Variants in MLLT10 observed in about 807,000 individuals in gnomAD.
MLLT10 encodes the protein protein AF-10.
MLLT10 carries 30 observed loss-of-function variants against 129.1 expected under a neutral mutation model. The ratio of observed to expected loss-of-function variants is 0.23; its 90% CI spans 0.17 to 0.32. MLLT10 has a LOEUF of 0.32. MLLT10 is among the 10% of genes least tolerant of loss of function. MLLT10 has a pLI of 1.00. For synonymous variants in MLLT10, 490 were observed against 446.4 expected, an observed-to-expected ratio of 1.10 and a Z score of -1.23; for missense variants, 1,119 against 1,268.3, an observed-to-expected ratio of 0.88 and a Z score of 1.79.
chr10:21,577,726 C>T (rs2040937335), intron 3 of MLLT10, among the ~76,000 whole-genome samples: 1 of 152,018 alleles, frequency 6.6e-6, no homozygotes, highest in Non-Finnish European at 1.5e-5. Context: ...CCACATTAGC[C>T]TCCCAAAGTG....
chr10:21,726,606 C>A (rs1020245047), intron 15 of MLLT10, among the ~76,000 whole-genome samples: 4 of 148,284 alleles, frequency 2.7e-5, no homozygotes, highest in Non-Finnish European at 5.9e-5. Flanking sequence ...TATATAATTA[C>A]AAACTGTCAA....
chr10:21,569,281 A>G (rs1253709079), intron 3 of MLLT10, among the ~76,000 whole-genome samples: 1 of 151,746 alleles, frequency 6.6e-6, no homozygotes, highest in Non-Finnish European at 1.5e-5. Context: ...TTTGAACATG[A>G]TGTTGCTTTG....
At chr10:21,729,608 GACCTGAGTTGTAT>G (rs970702269) in intron 16 of MLLT10, among the ~76,000 whole-genome samples, 39 of 152,194 alleles carry the variant, frequency 2.6e-4, no homozygotes, top group African/African-American at 9.2e-4. Context: ...GTTGTTAGAA[GACCTGAGTTGTAT>G]AGCCCAGCTC....
At chr10:21,590,769 C>T (rs2042418807) in intron 4 of MLLT10, among the ~76,000 whole-genome samples, 1 of 152,048 alleles carries the variant, frequency 6.6e-6, no homozygotes, top group African/African-American at 2.4e-5. Flanking sequence ...TTTGACCAGT[C>T]CAAATAGAAT....
intron 9 of MLLT10, among the ~76,000 whole-genome samples, chr10:21,660,818 A>G (rs1456853033): frequency 6.7e-6 from 1 of 148,372 alleles, no homozygotes; most frequent in Non-Finnish European, 1.5e-5. Flanking sequence ...GGTTGCAGTG[A>G]GCCAAGATAG....
chr10:21,556,545 C>T (rs1158857134), intron 3 of MLLT10: 4 of 843,328 alleles, frequency 4.7e-6, no homozygotes, highest in East Asian at 5.4e-5. Context: ...TCCATTTACC[C>T]TCTCTAGGAA....
chr10:21,545,192 G>A (rs2035879199), intron 3 of MLLT10, among the ~76,000 whole-genome samples: 1 of 151,386 alleles, frequency 6.6e-6, no homozygotes, highest in South Asian at 2.1e-4. Context: ...TACAGTTACA[G>A]AGTGAAGTCA....
At chr10:21,668,440 G>C (rs2051059706) in intron 9 of MLLT10, among the ~76,000 whole-genome samples, 1 of 152,060 alleles carries the variant, frequency 6.6e-6, no homozygotes, top group Non-Finnish European at 1.5e-5. Context: ...AATTAAAATA[G>C]ATGTTTCTCT....
intron 8 of MLLT10, among the ~76,000 whole-genome samples, chr10:21,628,914 A>T (rs973663698): frequency 2.6e-5 from 4 of 151,314 alleles, no homozygotes; most frequent in Non-Finnish European, 5.9e-5. Flanking sequence ...ATGCCCGGCT[A>T]AGTTTTGTAT....
At chr10:21,581,977 C>T (rs1201776145) in intron 3 of MLLT10, among the ~76,000 whole-genome samples, 4 of 152,094 alleles carry the variant, frequency 2.6e-5, no homozygotes, top group South Asian at 4.1e-4. Context: ...TACATCATTA[C>T]GTCACTAGGC....
chr10:21,661,241 A>G (rs1480279007), intron 9 of MLLT10, among the ~76,000 whole-genome samples: 1 of 152,180 alleles, frequency 6.6e-6, no homozygotes, highest in Non-Finnish European at 1.5e-5. Context: ...TTAATGTTCC[A>G]TGTAAGCTGG....
intron 10 of MLLT10, among the ~76,000 whole-genome samples, chr10:21,672,706 G>A (rs1209117134): frequency 6.6e-6 from 1 of 152,122 alleles, no homozygotes; most frequent in African/African-American, 2.4e-5. Flanking sequence ...CATGAAAATT[G>A]GATTGGGAGA....
At position 21,673,488 on chromosome 10, in the gene MLLT10, A is replaced by C. The variant is rs2051725187; in HGVS notation, c.1190A>C (p.Lys397Thr). ...YSHSQQSSATKDVHKGESGSQ... is the reference protein window; with the variant it reads ...YSHSQQSSATTDVHKGESGSQ... ...CACTCCCAACAGTCATCAGCAACCA[A>C]AGATGTACATAAAGGAGAGTCTGGA... Residue 397 changes from lysine (K) to threonine (T), a missense_variant, in exon 11 of 23, where the codon AAA (lysine) becomes ACA (threonine). Physicochemically the swap from Lys to Thr is moderately conservative, Grantham distance 78. Around this residue, in one of 5 missense-constraint regions of MLLT10, gnomAD observed 1,004 missense variants for 1,008.7 expected, o/e 1.00. Transcript: ENST00000307729. 1 of 1,613,922 alleles carries C rather than the reference A, an allele frequency of 6.2e-7. No homozygotes were observed. The highest frequency in any genetic ancestry group is 8.5e-7 in the Non-Finnish European group (1 of 1,179,968).
rs1265583182 is a variant in MLLT10, at chr10:21,534,504, T to C, written c.-17T>C. ...GACTCCTGTGCGGAACGTGAGTGAC[T>C]GAGCGGCAAAGCCCGAGTGAGCGAG... On this transcript the variant is annotated 5_prime_UTR_variant, in exon 1 of 23. Coordinates refer to ENST00000307729, the MANE Select transcript of MLLT10 (RefSeq NM_001195626.3). 1 of 816,720 alleles carries C rather than the reference T, an allele frequency of 1.2e-6. No individual in the cohort carries two copies. Among genetic ancestry groups the C allele is most frequent in the Non-Finnish European group, 1.8e-6 (1 of 555,772 alleles). 50.6% of individuals were successfully genotyped at this position (816,720 alleles called of 1,614,324 possible).
At chr10:21,672,168 A>AGTGTGTGTGTGTGTGTGTGTGT (rs55769872) in intron 10 of MLLT10, among the ~76,000 whole-genome samples, 37 of 134,376 alleles carry the variant, frequency 2.8e-4, no homozygotes, top group African/African-American at 9.8e-4. Context: ...CCAGGTTTTC[A>AGTGTGTGTGTGTGTGTGTGTGT]GTGTGTGTGT....
intron 3 of MLLT10, among the ~76,000 whole-genome samples, chr10:21,558,930 A>C (rs1025147297): frequency 6.6e-6 from 1 of 152,162 alleles, no homozygotes; most frequent in African/African-American, 2.4e-5. Context: ...TAGTCCTTCT[A>C]TATTGTGTTC....
chr10:21,577,435 T>A (rs2040885172), intron 3 of MLLT10, among the ~76,000 whole-genome samples: 1 of 152,028 alleles, frequency 6.6e-6, no homozygotes. Context: ...TGTAACATTT[T>A]AAATTACCAG....
At chr10:21,700,613 G>A (rs547494906) in intron 13 of MLLT10, among the ~76,000 whole-genome samples, 7 of 152,234 alleles carry the variant, frequency 4.6e-5, no homozygotes, top group African/African-American at 1.7e-4. Flanking sequence ...CATCTGAGAT[G>A]ATCATATGGG....
chr10:21,595,923 T>C (rs1473479069), intron 5 of MLLT10, among the ~76,000 whole-genome samples: 1 of 152,054 alleles, frequency 6.6e-6, no homozygotes, highest in Non-Finnish European at 1.5e-5. Flanking sequence ...AAAGTTTGCT[T>C]TTTTCCTGTA....
Sources: allele counts gnomAD v4.1 joint callset (sites outside exome capture counted in the v4.1 genomes callset), GRCh38; gene constraint gnomAD v4.1.1; regional missense constraint gnomAD v4.1.1; transcripts MANE v1.5; gene names NCBI Gene and HGNC (gene_info 2026-07-23, HGNC 2026-07-21).